Variants in P4HTM observed in about 807,000 individuals in gnomAD.
The protein encoded by P4HTM is prolyl 4-hydroxylase, transmembrane.
In P4HTM, 33 loss-of-function variants were observed where a neutral mutation model predicts 55.3. That is an observed-to-expected ratio of 0.60 (90% CI 0.45 to 0.80). The LOEUF is 0.80. P4HTM is among the 30% of genes least tolerant of loss of function. The pLI is 0.00. For synonymous variants in P4HTM, 272 were observed against 286.4 expected, an observed-to-expected ratio of 0.95 and a Z score of 0.51; for missense variants, 542 against 696.5, an observed-to-expected ratio of 0.78 and a Z score of 2.50.
intron 6 of P4HTM, chr3:49,005,256 CA>C: frequency 6.7e-7 from 1 of 1,497,452 alleles, no homozygotes; most frequent in Non-Finnish European, 8.9e-7. Context: ...CCACTGGAGT[CA>C]ACACAGACTG....
At position 49,002,551 on chromosome 3, in the gene P4HTM, A is replaced by G. The variant is rs140290144; in HGVS notation, c.679A>G (p.Ile227Val). 6.8e-3 allele frequency: 11,050 copies of G among 1,614,058 alleles called. 61 individuals are homozygous for G. Among genetic ancestry groups the G allele is most frequent in the Middle Eastern group, 0.017 (101 of 6,062 alleles). ...TGGATGGTGGATGACTCCAGAGAGC[A>G]TTCAGGAGATGTACGCCGCGATCAA... ...GNGWWMTPES[I>V]QEMYAAIKAD... The change falls in exon 4 of 9, where the codon ATT (isoleucine) becomes GTT (valine). Residue 227 changes from isoleucine to valine, a missense_variant. By Grantham distance (29) the Ile-to-Val change is conservative. Transcript: ENST00000383729. The surrounding 1 kb of genome is among the most constrained non-coding windows in gnomAD (Gnocchi z 4.4).
intron 2 of P4HTM, 164 bp downstream of exon 2, chr3:48,991,078 T>TA: frequency 1.6e-6 from 1 of 611,916 alleles, no homozygotes; most frequent in Non-Finnish European, 2.9e-6. Context: ...CGAAATAGGG[T>TA]AACACTCCCT....
chr3:49,004,730 A>G (rs2092971312), intron 5 of P4HTM, 131 bp from the exon 6 acceptor site: 1 of 864,906 alleles, frequency 1.2e-6, no homozygotes, highest in Non-Finnish European at 1.8e-6. Flanking sequence ...CCAGTCTGAG[A>G]TGGCTTAAGG....
chr3:48,995,584 A>C (rs1236166070), intron 2 of P4HTM, among the ~76,000 whole-genome samples: 2 of 147,128 alleles, frequency 1.4e-5, no homozygotes, highest in Non-Finnish European at 3.0e-5. Context: ...TCTCCTGCTG[A>C]TTTTTTTTTT....
rs1420637771 is a variant in P4HTM at position 49,001,612 on chromosome 3, A to T, written c.611A>T (p.His204Leu). The change falls in exon 3 of 9, where the codon CAC becomes CTC. Residue 204 changes from histidine to leucine, a missense_variant. His to Leu is a moderately conservative substitution (Grantham distance 99). This residue lies in a region of P4HTM where 536 missense variants were observed against 672.1 expected (regional missense o/e 0.80). Transcript: ENST00000383729. The part of the protein sequence containing the change: ...FRLLDQNRDG[H>L]LQLREVLAQT... Reference sequence around the variant, plus strand: ...CTGCTGGACCAGAACCGTGATGGGCACCTTCAGCTCCGTGAGGTTGGAATC... The same window carrying T: ...CTGCTGGACCAGAACCGTGATGGGCTCCTTCAGCTCCGTGAGGTTGGAATC... The T allele has an allele frequency of 6.2e-7, 1 of 1,611,182 alleles. No individual in the cohort carries two copies. Among genetic ancestry groups the T allele is most frequent in the South Asian group, 1.1e-5 (1 of 91,040 alleles).
intron 2 of P4HTM, among the ~76,000 whole-genome samples, chr3:48,995,100 C>T (rs557074260): frequency 4.6e-4 from 70 of 152,098 alleles, no homozygotes; most frequent in African/African-American, 4.6e-4. Flanking sequence ...CGTGCCCAGC[C>T]GCTCATCACT....
At position 49,004,916 on chromosome 3, in the gene P4HTM, C is replaced by T. The variant is rs759296298; in HGVS notation, c.943C>T (p.Gln315Ter). The change falls in exon 6 of 9, where the codon CAG (glutamine) becomes TAG (stop). Residue 315 changes from glutamine (Q) to a stop codon, truncating the protein, a stop_gained. Coordinates refer to ENST00000383729, the MANE Select transcript of P4HTM (RefSeq NM_177939.3). LOFTEE classifies it high-confidence loss of function. ...PEIVELSEPL[Q>*]VVRYGEGGHY... is the part of the protein sequence containing the mutation. ...GATCGTGGAGCTCAGCGAGCCGCTG[C>T]AGGTTGTTCGATATGGTGAGGGGGG... is the stretch of plus-strand genomic sequence containing the variant. 5 of 1,613,684 alleles carry T rather than the reference C, an allele frequency of 3.1e-6. No individual in the cohort carries two copies.
chr3:49,001,327 G>A lies in P4HTM; in HGVS notation c.437-111G>A, dbSNP rs553374717. 1.8e-4 allele frequency: 168 copies of A among 913,868 alleles called. 1 individual carries two copies. The African/African-American group carries it at 2.2e-3, about 12-fold the overall frequency. The allele number at this position is 913,868 out of a possible 1,614,324, so 56.6% of individuals were successfully genotyped here. ...GTAAAATCCTCCATCCTCCAGACCT[G>A]GTGGCCACTGAGGGACATGCAGTAC... On this transcript the variant is annotated intron_variant, in intron 2 of 8. Coordinates refer to ENST00000383729, the MANE Select transcript of P4HTM (RefSeq NM_177939.3).
chr3:49,005,122 T>C, intron 6 of P4HTM, 76 bp downstream of exon 6: 1 of 1,612,762 alleles, frequency 6.2e-7, no homozygotes, highest in Non-Finnish European at 8.5e-7. Context: ...AGCCCTGCAC[T>C]GTGGGCGTGC....
Position 49,005,000 on chromosome 3 carries a change from A to G in P4HTM, c.1027A>G (p.Thr343Ala). 2 of 1,614,038 alleles carry G rather than the reference A, an allele frequency of 1.2e-6. No homozygotes were observed. The highest frequency in any genetic ancestry group is 1.7e-6 in the Non-Finnish European group (2 of 1,180,016). Residue 343 changes from threonine (T) to alanine (A), a missense_variant, in exon 6 of 9, where the codon ACC (threonine) becomes GCC (alanine). Transcript: ENST00000383729. ...GTACCCAGAGACCATCTGCTCCCAT[A>G]CCAAGCTGGTAGCCAACGAGTCTGT... ...PVYPETICSH[T>A]KLVANESVPF...
At chr3:48,993,032 G>C (rs183474692) in intron 2 of P4HTM, among the ~76,000 whole-genome samples, 153 of 152,158 alleles carry the variant, frequency 1.0e-3, no homozygotes, top group African/African-American at 3.6e-3. Flanking sequence ...GGCTGGGCGC[G>C]GTGGCTCACG....
chr3:49,003,831 A>C, intron 4 of P4HTM: 4 of 405,796 alleles, frequency 9.9e-6, no homozygotes, highest in South Asian at 3.2e-5. Context: ...TGGCCACTCT[A>C]ATAGGGGGTG....
chr3:48,993,301 CA>C (rs11312212), intron 2 of P4HTM, among the ~76,000 whole-genome samples: 83,615 of 122,794 alleles, frequency 0.68, 26,862 homozygotes, highest in East Asian at 0.94. Flanking sequence ...AACTCCATCT[CA>C]AAAAAAAAAA....
At chr3:49,005,080 C>T (rs1432189296) in intron 6 of P4HTM, 34 bp downstream of exon 6, 2 of 1,613,700 alleles carry the variant, frequency 1.2e-6, no homozygotes, top group Admixed American at 1.7e-5. Flanking sequence ...TGCCTTCAAT[C>T]CTCAGACCAG....
intron 6 of P4HTM, 162 bp downstream of exon 6, chr3:49,005,208 C>A: frequency 1.3e-6 from 2 of 1,564,704 alleles, no homozygotes; most frequent in South Asian, 1.2e-5. Context: ...AAGTTGTTTA[C>A]CCAATGGCTG....
intron 4 of P4HTM, 161 bp from the exon 5 acceptor site, chr3:49,003,937 C>T: frequency 3.2e-6 from 2 of 629,704 alleles, no homozygotes; most frequent in Non-Finnish European, 5.5e-6. Context: ...AAACCAGGTT[C>T]ATCTGACCCA....
rs2092960793 is a variant in P4HTM, at chr3:49,001,432, T to G, written c.437-6T>G. On this transcript the variant is annotated splice_region_variant and splice_polypyrimidine_tract_variant and intron_variant, in intron 2 of 8. Coordinates refer to ENST00000383729, the MANE Select transcript of P4HTM (RefSeq NM_177939.3). ...CCTTGGCCTCACCCACCTCCTCTTCTGGCAGAAATCCCCGGCTTCCTGACT... is the reference window on the plus strand; with the variant it reads ...CCTTGGCCTCACCCACCTCCTCTTCGGGCAGAAATCCCCGGCTTCCTGACT... The G allele has an allele frequency of 3.1e-6, 5 of 1,613,698 alleles. No individual in the cohort carries two copies. The East Asian group carries it at 1.1e-4, about 36-fold the overall frequency.
chr3:49,006,245 AG>A, intron 8 of P4HTM, 58 bp downstream of exon 8: 1 of 1,561,814 alleles, frequency 6.4e-7, no homozygotes, highest in Non-Finnish European at 8.7e-7. Context: ...CCCTTTACCC[AG>A]CCCCCGTCTG....
intron 2 of P4HTM, among the ~76,000 whole-genome samples, chr3:48,996,665 G>A (rs1396705341): frequency 2.7e-4 from 41 of 152,088 alleles, no homozygotes; most frequent in South Asian, 4.1e-4. Flanking sequence ...TGGCTAGTTC[G>A]AGTTTTTAAG....
Sources: allele counts gnomAD v4.1 joint callset (sites outside exome capture counted in the v4.1 genomes callset), GRCh38; gene constraint gnomAD v4.1.1; regional missense constraint gnomAD v4.1.1; non-coding constraint Gnocchi (gnomAD v3.1); transcripts MANE v1.5; gene names NCBI Gene and HGNC (gene_info 2026-07-23, HGNC 2026-07-21).